Variants in SLC4A8 observed in about 807,000 individuals in gnomAD.
SLC4A8 encodes the protein electroneutral sodium bicarbonate exchanger 1.
Under a neutral mutation model 125.0 loss-of-function variants are expected in SLC4A8, and 40 were observed. That is an observed-to-expected ratio of 0.32 (90% CI 0.25 to 0.42). The LOEUF (loss-of-function observed/expected upper bound fraction) is 0.42, where lower values mean the gene tolerates loss of function less well. Ranked by LOEUF, SLC4A8 falls within the 10% of genes least tolerant of loss-of-function variation. SLC4A8 has a pLI of 1.00. For missense variants in SLC4A8, 863 were observed against 1,355.1 expected, an observed-to-expected ratio of 0.64 and a Z score of 5.70; for synonymous variants, 456 against 476.0, an observed-to-expected ratio of 0.96 and a Z score of 0.55.
At chr12:51,481,484 A>T (rs142690478) in intron 16 of SLC4A8, among the ~76,000 whole-genome samples, 1 of 152,200 alleles carries the variant, frequency 6.6e-6, no homozygotes, top group Non-Finnish European at 1.5e-5. Context: ...CGAAGCTATC[A>T]CAGAAATGAT....
intron 3 of SLC4A8, 87 bp from the exon 4 acceptor site, chr12:51,452,037 T>C: frequency 7.8e-7 from 1 of 1,281,352 alleles, no homozygotes; most frequent in Non-Finnish European, 1.1e-6. Flanking sequence ...TCTATATATA[T>C]TTCTAAAGTT....
At chr12:51,447,706 G>A (rs983144428) in intron 2 of SLC4A8, among the ~76,000 whole-genome samples, 5 of 149,132 alleles carry the variant, frequency 3.4e-5, no homozygotes, top group Admixed American at 3.3e-4. Context: ...GAGCATGTGG[G>A]ATTTCCACTT....
upstream of SLC4A8, chr12:51,421,839 C>G (rs150405454): frequency 1.3e-5 from 2 of 152,210 alleles, no homozygotes; most frequent in African/African-American, 4.8e-5. Flanking sequence ...GTTCTTGACT[C>G]GTCTCCTCAG....
At chr12:51,499,209 G>C (rs1937729531) in intron 22 of SLC4A8, among the ~76,000 whole-genome samples, 1 of 152,026 alleles carries the variant, frequency 6.6e-6, no homozygotes, top group Non-Finnish European at 1.5e-5. Flanking sequence ...AAGATATGTG[G>C]ACGTGTTTCT....
chr12:51,401,267 C>T (rs1948386019), intron 1 of SLC4A8, among the ~76,000 whole-genome samples: 3 of 152,142 alleles, frequency 2.0e-5, no homozygotes, highest in South Asian at 2.1e-4. Context: ...TGCCTTATCG[C>T]GAGGTTTTCT....
At chr12:51,436,224 C>T (rs1949406730) in intron 1 of SLC4A8, among the ~76,000 whole-genome samples, 1 of 152,176 alleles carries the variant, frequency 6.6e-6, no homozygotes, top group African/African-American at 2.4e-5. Context: ...TATCTCACAA[C>T]ACACAACAAG....
At chr12:51,461,943 A>G (rs10783442) in intron 9 of SLC4A8, 92,652 of 191,610 alleles carry the variant, frequency 0.48, 23,204 homozygotes, top group Non-Finnish European at 0.52. Flanking sequence ...CAGTGTTTCC[A>G]ACCTTTAAGA....
At chr12:51,489,420 C>T (rs1256619847) in intron 18 of SLC4A8, among the ~76,000 whole-genome samples, 1 of 152,142 alleles carries the variant, frequency 6.6e-6, no homozygotes, top group East Asian at 1.9e-4. Context: ...GTTAATCTTC[C>T]AGAGAAGAAT....
At chr12:51,420,712 G>T (rs1418537017), upstream of SLC4A8, among the ~76,000 whole-genome samples, 1 of 152,186 alleles carries the variant, frequency 6.6e-6, no homozygotes, top group Admixed American at 6.5e-5. Context: ...TGGAAGGATG[G>T]CCACGTCAGG....
chr12:51,493,661 T>G lies in SLC4A8; in HGVS notation c.2701-43T>G, dbSNP rs1256509929. 4.7e-6 allele frequency: 6 copies of G among 1,286,122 alleles called. No individual in the cohort carries two copies. In the African/African-American group the frequency reaches 7.3e-5, roughly 16 times the overall value. 79.7% of individuals were successfully genotyped at this position (1,286,122 alleles called of 1,614,324 possible). On this transcript the variant is annotated intron_variant, in intron 19 of 24. Transcript: ENST00000453097. ...GTATATAGTTTTGAGTGTGCTATGA[T>G]ACCAAATTTAATTTCTGGCCTTTCT...
chr12:51,440,536 A>T (rs1028247483), intron 1 of SLC4A8, among the ~76,000 whole-genome samples, 172 bp from the exon 2 acceptor site: 1 of 152,172 alleles, frequency 6.6e-6, no homozygotes, highest in Non-Finnish European at 1.5e-5. Context: ...AATGAGAAAG[A>T]TAATGGCTAC....
intron 8 of SLC4A8, 87 bp downstream of exon 8, chr12:51,460,195 T>G (rs1257333302): frequency 1.9e-6 from 2 of 1,060,444 alleles, no homozygotes; most frequent in African/African-American, 3.2e-5. Context: ...TACTGAAATT[T>G]AGAATTAATT....
chr12:51,419,804 GT>G (rs1948748811), intron 1 of SLC4A8, among the ~76,000 whole-genome samples: 2 of 152,226 alleles, frequency 1.3e-5, no homozygotes, highest in Admixed American at 1.3e-4. Context: ...GCCTCTCTCA[GT>G]TTGGAGCAAA....
intron 1 of SLC4A8, among the ~76,000 whole-genome samples, chr12:51,427,217 C>T (rs190559189): frequency 1.8e-4 from 28 of 152,194 alleles, no homozygotes; most frequent in African/African-American, 4.6e-4. Flanking sequence ...GGATTACAGA[C>T]GTGAGCCACC....
chr12:51,500,121 G>A (rs905005951), intron 22 of SLC4A8, among the ~76,000 whole-genome samples: 2 of 152,208 alleles, frequency 1.3e-5, no homozygotes, highest in Non-Finnish European at 2.9e-5. Context: ...TGAATGAATG[G>A]TTGTGCTATT....
At chr12:51,404,952 G>T (rs2137947444) in intron 1 of SLC4A8, among the ~76,000 whole-genome samples, 1 of 152,190 alleles carries the variant, frequency 6.6e-6, no homozygotes, top group African/African-American at 2.4e-5. Context: ...TGATGCACTG[G>T]ATTAAGTTAT....
At position 51,450,713 on chromosome 12, in the gene SLC4A8, C is replaced by T; in HGVS notation, c.131-163C>T. The T allele has an allele frequency of 4.2e-6, 3 of 713,146 alleles. No individual in the cohort carries two copies. In the East Asian group the frequency reaches 8.4e-5, roughly 20 times the overall value. The allele number at this position is 713,146 out of a possible 1,614,324, so 44.2% of individuals were successfully genotyped here. A position where few individuals can be genotyped will look rare whatever the true frequency, so the allele number is the denominator to read the frequency against. Reference sequence around the variant, plus strand: ...GAAGAGACCTTCAACTCCAAAATCTCTATATCTTTACTCCTGGAAGTCTTT... The same window carrying T: ...GAAGAGACCTTCAACTCCAAAATCTTTATATCTTTACTCCTGGAAGTCTTT... On this transcript the variant is annotated intron_variant, in intron 2 of 24. Transcript: ENST00000453097.
At chr12:51,395,818 G>A (rs1420356241) in intron 1 of SLC4A8, among the ~76,000 whole-genome samples, 1 of 152,222 alleles carries the variant, frequency 6.6e-6, no homozygotes, top group African/African-American at 2.4e-5. Flanking sequence ...TCTGTGAAGT[G>A]CAGTTAATGA....
At chr12:51,452,058 G>A in intron 3 of SLC4A8, 66 bp from the exon 4 acceptor site, 1 of 1,510,324 alleles carries the variant, frequency 6.6e-7, no homozygotes, top group African/African-American at 1.4e-5. Context: ...GTTAGGTAAG[G>A]AAGAATGCTA....
Sources: gnomAD v4.1 joint callset for allele counts (sites outside exome capture counted in the v4.1 genomes callset) on GRCh38, gnomAD v4.1.1 for gene constraint, MANE v1.5 for transcripts, NCBI Gene and HGNC (gene_info 2026-07-23, HGNC 2026-07-21) for gene names.